RUFY4: variants seen among roughly 807,000 people sequenced by gnomAD.
RUFY4 encodes the protein RUN and FYVE domain-containing protein 4.
Under a neutral mutation model 69.0 loss-of-function variants are expected in RUFY4, and 73 were observed. The observed-to-expected ratio is 1.06, with a 90% CI of 0.88 to 1.29. The LOEUF (loss-of-function observed/expected upper bound fraction) is 1.29. RUFY4 is among the 50% of genes most tolerant of loss of function. The pLI, the probability that RUFY4 is intolerant of heterozygous loss-of-function variation, is 0.00. For synonymous variants in RUFY4, 287 were observed against 271.8 expected (o/e 1.06, Z -0.55); for missense variants, 770 against 705.6 (o/e 1.09, Z -1.03).
At chr2:218,079,463 C>A (rs1432118795) in intron 8 of RUFY4, among the ~76,000 whole-genome samples, 2 of 152,120 alleles carry the variant, frequency 1.3e-5, no homozygotes, top group Non-Finnish European at 2.9e-5. Flanking sequence ...TGTGGCAGGG[C>A]AGATTTGTAG....
chr2:218,066,177 C>CTTTTT (rs58665951), upstream of RUFY4, among the ~76,000 whole-genome samples: 241 of 74,374 alleles, frequency 3.2e-3, 1 homozygote, highest in East Asian at 4.6e-3. Context: ...CTTTTCTTTT[C>CTTTTT]TTTTTTTTTT....
chr2:218,079,640 C>T (rs1689715419), intron 8 of RUFY4, among the ~76,000 whole-genome samples: 1 of 151,990 alleles, frequency 6.6e-6, no homozygotes, highest in East Asian at 1.9e-4. Context: ...AACAGCTGAC[C>T]CTGAGGCTCA....
intron 2 of RUFY4, among the ~76,000 whole-genome samples, chr2:218,071,206 G>A (rs1689477732): frequency 6.6e-6 from 1 of 152,132 alleles, no homozygotes; most frequent in Admixed American, 6.5e-5. Context: ...TTGAATACTT[G>A]CTATGTGTCA....
At chr2:218,037,362 T>C (rs1205044977) in intron 2 of RUFY4, among the ~76,000 whole-genome samples, 1 of 151,834 alleles carries the variant, frequency 6.6e-6, no homozygotes, top group Non-Finnish European at 1.5e-5. Flanking sequence ...TGAGCAGGGC[T>C]ACAATCTAAT....
intron 8 of RUFY4, 71 bp from the exon 11 acceptor site, chr2:218,083,039 A>T: frequency 2.8e-6 from 4 of 1,443,128 alleles, no homozygotes; most frequent in African/African-American, 2.9e-5. Flanking sequence ...TCTCTGGAAG[A>T]GGCTCAGCCT....
At chr2:218,073,785 C>A (rs770917813) in intron 5 of RUFY4, 31 bp from the exon 8 acceptor site, 1 of 1,612,688 alleles carries the variant, frequency 6.2e-7, no homozygotes. Context: ...TGAAGAGAGG[C>A]CCAGGGTCCC....
chr2:218,084,241 T>G (rs936647255), intron 9 of RUFY4, among the ~76,000 whole-genome samples: 2 of 151,706 alleles, frequency 1.3e-5, no homozygotes, highest in Admixed American at 6.6e-5. Flanking sequence ...TTTGCTTGTT[T>G]TTTTTTTTTT....
At chr2:218,065,893 G>A (rs1409653602), upstream of RUFY4, among the ~76,000 whole-genome samples, 1 of 152,220 alleles carries the variant, frequency 6.6e-6, no homozygotes, top group East Asian at 1.9e-4. Flanking sequence ...GCCGTGTCAG[G>A]GCACAGACAC....
intron 2 of RUFY4, among the ~76,000 whole-genome samples, chr2:218,042,388 G>T (rs559802765): frequency 1.6e-4 from 25 of 152,174 alleles, no homozygotes; most frequent in African/African-American, 5.5e-4. Context: ...TTCTTGTTAA[G>T]TTACAAGCTT....
chr2:218,081,350 T>C (rs1049064409), intron 8 of RUFY4, among the ~76,000 whole-genome samples: 2 of 152,242 alleles, frequency 1.3e-5, no homozygotes, highest in Non-Finnish European at 2.9e-5. Flanking sequence ...TGCCTGGCTC[T>C]ATATTGCTGA....
At chr2:218,061,781 C>T (rs1255605938) in intron 3 of RUFY4, among the ~76,000 whole-genome samples, 23 of 152,190 alleles carry the variant, frequency 1.5e-4, no homozygotes, top group Non-Finnish European at 1.5e-5. Context: ...TGAGCACCTT[C>T]AGCTGTCAAG....
upstream of RUFY4, among the ~76,000 whole-genome samples, chr2:218,067,849 G>T (rs936247903): frequency 6.6e-6 from 1 of 152,174 alleles, no homozygotes; most frequent in Non-Finnish European, 1.5e-5. Context: ...GGCCCAACAG[G>T]CACCCCCTCA....
intron 2 of RUFY4, among the ~76,000 whole-genome samples, chr2:218,058,237 T>C (rs1689107549): frequency 6.6e-6 from 1 of 152,274 alleles, no homozygotes; most frequent in African/African-American, 2.4e-5. Context: ...CCTTGTGTTC[T>C]TCTGATCACT....
rs140186607 is a variant in RUFY4 at position 218,078,423 on chromosome 2, G to T, written c.1355+1890G>T. 4.6e-5 allele frequency among the ~76,000 whole-genome samples: 7 copies of T among 152,274 alleles called. No homozygotes were observed. The East Asian group carries it at 7.7e-4, about 17-fold the overall frequency. Reference sequence around the variant, plus strand: ...CCCTGATGGAGGACGGGCAGGGCAGGTTCTAGGAACATCCAAGGAGGCCTT... The same window carrying T: ...CCCTGATGGAGGACGGGCAGGGCAGTTTCTAGGAACATCCAAGGAGGCCTT... On this transcript the variant is annotated intron_variant, in intron 8 of 10. Coordinates refer to ENST00000344321, the Ensembl canonical transcript of RUFY4.
At chr2:218,053,132 C>T (rs1247509924) in intron 2 of RUFY4, among the ~76,000 whole-genome samples, 1 of 151,786 alleles carries the variant, frequency 6.6e-6, no homozygotes, top group Non-Finnish European at 1.5e-5. Context: ...GCTCGTGATT[C>T]TATTTTAATT....
intron 2 of RUFY4, among the ~76,000 whole-genome samples, chr2:218,041,358 C>T (rs1688692454): frequency 6.6e-6 from 1 of 152,186 alleles, no homozygotes; most frequent in African/African-American, 2.4e-5. Flanking sequence ...TGTATAGAAT[C>T]TGTAGATCAA....
chr2:218,073,242 G>T lies in RUFY4; in HGVS notation c.387-1G>T. The stretch of plus-strand genomic sequence containing the variant: ...AAGGGTTCTGATCACTGTTAACACA[G>T]GGAATGGTATGGACCCCGGAGCCCT... On this transcript the variant is annotated splice_acceptor_variant, in intron 4 of 10. Transcript: ENST00000344321. LOFTEE classifies it high-confidence loss of function. The T allele has an allele frequency of 6.4e-7, 1 of 1,550,920 alleles. No homozygotes were observed.
chr2:218,036,756 G>A (rs1958985752), intron 2 of RUFY4, among the ~76,000 whole-genome samples: 1 of 152,222 alleles, frequency 6.6e-6, no homozygotes, highest in Admixed American at 6.5e-5. Flanking sequence ...AGTGTTTTGG[G>A]GAAAGCTGTC....
At chr2:218,088,089 G>A (rs945168433) in intron 9 of RUFY4, among the ~76,000 whole-genome samples, 1 of 152,174 alleles carries the variant, frequency 6.6e-6, no homozygotes, top group Non-Finnish European at 1.5e-5. Flanking sequence ...ACAAGAAAGA[G>A]AGGGGAGGCC....
Sources: gnomAD v4.1 joint callset for allele counts (sites outside exome capture counted in the v4.1 genomes callset) on GRCh38, gnomAD v4.1.1 for gene constraint, MANE v1.5 for transcripts, NCBI Gene and HGNC (gene_info 2026-07-23, HGNC 2026-07-21) for gene names.